Variants in CACNA1A observed in about 807,000 individuals in gnomAD.
CACNA1A encodes the protein calcium voltage-gated channel subunit alpha1 A.
CACNA1A carries 57 observed loss-of-function variants against 262.4 expected under a neutral mutation model. That is an observed-to-expected ratio of 0.22 (90% CI 0.18 to 0.27). The LOEUF (loss-of-function observed/expected upper bound fraction) is 0.27, where lower values mean the gene tolerates loss of function less well. Ranked by LOEUF, CACNA1A falls within the 10% of genes least tolerant of loss-of-function variation. The probability of loss-of-function intolerance (pLI) is 1.00; values close to 1 mark genes in which losing one functional copy is unlikely to be tolerated. For missense variants in CACNA1A, 2,526 were observed against 3,562.8 expected, an observed-to-expected ratio of 0.71 and a Z score of 7.41; for synonymous variants, 1,431 against 1,419.3, an observed-to-expected ratio of 1.01 and a Z score of -0.18.
At chr19:13,315,195 T>A (rs553877950) in intron 11 of CACNA1A, 2 of 129,984 alleles carry the variant, frequency 1.5e-5, no homozygotes, top group South Asian at 5.3e-4. Flanking sequence ...TTAATGTGTA[T>A]CTTTTTTTTT....
At chr19:13,334,678 A>G (rs1348279186) in intron 7 of CACNA1A, among the ~76,000 whole-genome samples, 185 bp from the exon 8 acceptor site, 1 of 151,610 alleles carries the variant, frequency 6.6e-6, no homozygotes, top group Non-Finnish European at 1.5e-5. Flanking sequence ...CTGGGAAAAG[A>G]CTGGGATATT....
intron 31 of CACNA1A, among the ~76,000 whole-genome samples, chr19:13,237,735 G>A (rs990007432): frequency 2.3e-4 from 35 of 152,174 alleles, no homozygotes; most frequent in African/African-American, 8.0e-4. Context: ...AACCCAGCTT[G>A]GCTAACAGAG....
intron 3 of CACNA1A, among the ~76,000 whole-genome samples, chr19:13,446,093 T>G (rs2060806449): frequency 6.6e-6 from 1 of 151,688 alleles, no homozygotes; most frequent in Non-Finnish European, 1.5e-5. Context: ...TGGCTGATAG[T>G]GTGAAACCCC....
At chr19:13,346,648 ATATATATATATATATATATTTTTTTTTT>A (rs1235675200) in intron 6 of CACNA1A, among the ~76,000 whole-genome samples, 195 of 5,906 alleles carry the variant, frequency 0.033, 4 homozygotes, top group Non-Finnish European at 0.041. Flanking sequence ...ATATATATAT[ATATATATATATATATATATTTTTTTTTT>A]TTTTTTTTTT....
intron 10 of CACNA1A, 93 bp from the exon 11 acceptor site, chr19:13,317,414 G>T: frequency 1.9e-6 from 2 of 1,035,466 alleles, no homozygotes; most frequent in Non-Finnish European, 2.9e-6. Context: ...TTAGCCAGGG[G>T]ATCCATTAGT....
chr19:13,254,544 TA>T (rs2056492792), intron 29 of CACNA1A, among the ~76,000 whole-genome samples: 1 of 152,026 alleles, frequency 6.6e-6, no homozygotes, highest in Non-Finnish European at 1.5e-5. Context: ...GTATTTTTAG[TA>T]GAGATGCGGT....
rs1476884019 is a variant in CACNA1A, at chr19:13,285,117, T to C, written c.3643A>G (p.Lys1215Glu). The C allele has an allele frequency of 6.2e-7, 1 of 1,613,954 alleles. No individual in the cohort carries two copies. Among genetic ancestry groups the C allele is most frequent in the Admixed American group, 1.7e-5 (1 of 60,004 alleles). ...EEDDRGEDGP[K>E]PMPPYSSMFI... ...ATGGAGCTATAGGGAGGCATTGGCT[T>C]AGGGCCGTCTTCCCCACGGTCGTCT... The change falls in exon 21 of 47, where the codon AAG becomes GAG. Residue 1215 changes from lysine (K) to glutamate (E), a missense_variant. Transcript: ENST00000360228.
intron 3 of CACNA1A, among the ~76,000 whole-genome samples, chr19:13,394,093 A>G (rs916406622): frequency 1.3e-5 from 2 of 152,182 alleles, no homozygotes; most frequent in African/African-American, 4.8e-5. Context: ...GAAGTAGCTA[A>G]CATTTCTTGA....
chr19:13,220,324 G>T (rs2055176111), intron 38 of CACNA1A, among the ~76,000 whole-genome samples: 1 of 152,090 alleles, frequency 6.6e-6, no homozygotes, highest in African/African-American at 2.4e-5. Flanking sequence ...GGGTAGGCCT[G>T]CCCCAATCAG....
chr19:13,252,843 A>G, intron 30 of CACNA1A, 148 bp downstream of exon 30: 1 of 553,176 alleles, frequency 1.8e-6, no homozygotes, highest in South Asian at 2.6e-5. Flanking sequence ...AGAATGCCTA[A>G]GTAGGATCTG....
At chr19:13,328,420 G>C (rs1481255289) in intron 10 of CACNA1A, among the ~76,000 whole-genome samples, 2 of 152,126 alleles carry the variant, frequency 1.3e-5, no homozygotes, top group Non-Finnish European at 2.9e-5. Flanking sequence ...CAAGCTTTAA[G>C]GTTTCATTAC....
At chr19:13,398,258 G>A (rs1312991001) in intron 3 of CACNA1A, among the ~76,000 whole-genome samples, 1 of 149,614 alleles carries the variant, frequency 6.7e-6, no homozygotes, top group Admixed American at 6.6e-5. Flanking sequence ...GCAAAACTCC[G>A]TCGCAAAAGA....
intron 15 of CACNA1A, 97 bp downstream of exon 15, chr19:13,307,685 G>T: frequency 1.1e-6 from 1 of 946,420 alleles, no homozygotes; most frequent in Non-Finnish European, 1.7e-6. Flanking sequence ...GCCAGGTAGA[G>T]AAGGAGGAGT....
chr19:13,361,380 A>C (rs1217957879), intron 5 of CACNA1A, among the ~76,000 whole-genome samples: 1 of 152,208 alleles, frequency 6.6e-6, no homozygotes, highest in Non-Finnish European at 1.5e-5. Context: ...GTAGGGAGGC[A>C]GGAAAGCTCA....
At chr19:13,253,872 T>C (rs2056470507) in intron 29 of CACNA1A, among the ~76,000 whole-genome samples, 1 of 152,164 alleles carries the variant, frequency 6.6e-6, no homozygotes, top group Non-Finnish European at 1.5e-5. Context: ...CTCACGCAGC[T>C]GGTATTATAG....
intron 20 of CACNA1A, among the ~76,000 whole-genome samples, chr19:13,285,564 A>G (rs1440484700): frequency 6.6e-6 from 1 of 151,996 alleles, no homozygotes; most frequent in Non-Finnish European, 1.5e-5. Context: ...ATATTAACAC[A>G]GACCTGCCCC....
chr19:13,433,460 C>CAAAAAAAAAAAAAAAAAAAAAAAAAAA (rs533297364), intron 3 of CACNA1A, among the ~76,000 whole-genome samples: 35 of 76,216 alleles, frequency 4.6e-4, no homozygotes, highest in South Asian at 1.4e-3. Context: ...GACGCTGTCT[C>CAAAAAAAAAAAAAAAAAAAAAAAAAAA]AAAAAAAAAA....
At chr19:13,274,167 TGAAAGA>T (rs944316472) in intron 24 of CACNA1A, 36 of 148,188 alleles carry the variant, frequency 2.4e-4, no homozygotes, top group African/African-American at 8.5e-4. Flanking sequence ...GAGGAAGGAG[TGAAAGA>T]GAAAGAGAAA....
chr19:13,455,146 A>G lies in CACNA1A; in HGVS notation c.360T>C (p.His120=). ...ANCIVLALEQ[H]LPDDDKTPMS... ...TCGGGGTCTTGTCATCATCAGGCAG[A>G]TGCTGCTCCAGTGCGAGGACGATGC... Residue 120 remains histidine, a synonymous_variant, in exon 2 of 47, where the codon CAT becomes CAC. Transcript: ENST00000360228. The G allele has an allele frequency of 6.2e-7, 1 of 1,612,778 alleles. No homozygotes were observed. Among genetic ancestry groups the G allele is most frequent in the Non-Finnish European group, 8.5e-7 (1 of 1,178,854 alleles).
Sources: gnomAD v4.1 joint callset for allele counts (sites outside exome capture counted in the v4.1 genomes callset) on GRCh38, gnomAD v4.1.1 for gene constraint, MANE v1.5 for transcripts, NCBI Gene and HGNC (gene_info 2026-07-23, HGNC 2026-07-21) for gene names.